The following ANKFY1 variants were observed in gnomAD, a reference collection of about 807,000 sequenced individuals.
The protein encoded by ANKFY1 is ankyrin repeat and FYVE domain containing 1, also known as ankyrin repeat and FYVE domain-containing protein 1.
In ANKFY1, 47 loss-of-function variants were observed where a neutral mutation model predicts 128.3. The ratio of observed to expected loss-of-function variants is 0.37; its 90% CI spans 0.29 to 0.47. ANKFY1 has a LOEUF of 0.47. Among genes scored for constraint, ANKFY1 ranks in the 20% least tolerant of loss-of-function variants. The pLI is 1.00. For missense variants in ANKFY1, 1,222 were observed against 1,510.6 expected, an observed-to-expected ratio of 0.81 and a Z score of 3.17; for synonymous variants, 553 against 601.6, an observed-to-expected ratio of 0.92 and a Z score of 1.18.
At chr17:4,212,739 T>G (rs9911026) in intron 4 of ANKFY1, among the ~76,000 whole-genome samples, 5,775 of 149,770 alleles carry the variant, frequency 0.039, 376 homozygotes, top group African/African-American at 0.13. Flanking sequence ...AGGAAGGTCA[T>G]GAGAAAGACC....
chr17:4,206,491 A>G lies in ANKFY1; in HGVS notation c.733-5T>C, dbSNP rs1400227573. The G allele has an allele frequency of 2.5e-6, 4 of 1,606,506 alleles. No homozygotes were observed. The highest frequency in any genetic ancestry group is 2.6e-6 in the Non-Finnish European group (3 of 1,173,592). On this transcript the variant is annotated splice_polypyrimidine_tract_variant and splice_region_variant and intron_variant, in intron 6 of 24. Transcript: ENST00000341657. ...TTCATTCAGCTTCCCAGGGAGCTAC[A>G]CAAACAAGTTTGTAAATTAGCGCCC... is the stretch of plus-strand genomic sequence containing the variant.
chr17:4,193,338 C>A (rs2059751408), intron 10 of ANKFY1, among the ~76,000 whole-genome samples: 1 of 151,968 alleles, frequency 6.6e-6, no homozygotes, highest in South Asian at 2.1e-4. Flanking sequence ...TCACTGCAGC[C>A]TCCAACTCCT....
intron 3 of ANKFY1, among the ~76,000 whole-genome samples, chr17:4,217,868 C>T (rs2060247247): frequency 1.3e-5 from 2 of 151,902 alleles, no homozygotes; most frequent in Non-Finnish European, 2.9e-5. Context: ...GTATTTTTTG[C>T]AGAGACGGTT....
chr17:4,207,686 TAA>T (rs79910969), intron 6 of ANKFY1, among the ~76,000 whole-genome samples: 1 of 139,890 alleles, frequency 7.1e-6, no homozygotes, highest in Admixed American at 7.2e-5. Flanking sequence ...AAGAAGCGTT[TAA>T]AAAAAAAAAA....
At chr17:4,233,993 T>C (rs2060559548) in intron 3 of ANKFY1, among the ~76,000 whole-genome samples, 1 of 152,234 alleles carries the variant, frequency 6.6e-6, no homozygotes, top group South Asian at 2.1e-4. Context: ...CGTAAAATTA[T>C]AATATTGTAC....
At chr17:4,237,464 A>T (rs924990030) in intron 2 of ANKFY1, among the ~76,000 whole-genome samples, 2 of 152,246 alleles carry the variant, frequency 1.3e-5, no homozygotes, top group Non-Finnish European at 2.9e-5. Flanking sequence ...TTTAATGAAA[A>T]CAAGAAGTTA....
At chr17:4,260,249 TGA>T (rs1968338490) in intron 1 of ANKFY1, among the ~76,000 whole-genome samples, 1 of 152,120 alleles carries the variant, frequency 6.6e-6, no homozygotes, top group Non-Finnish European at 1.5e-5. Context: ...AATTAGGCTG[TGA>T]GAGAGCAAAA....
chr17:4,199,941 AC>A (rs2059897358), intron 7 of ANKFY1, among the ~76,000 whole-genome samples: 1 of 152,250 alleles, frequency 6.6e-6, no homozygotes, highest in Admixed American at 6.5e-5. Context: ...GCATCATAAC[AC>A]ACAGAACAGA....
chr17:4,235,675 T>C, intron 3 of ANKFY1, 97 bp downstream of exon 3: 1 of 843,312 alleles, frequency 1.2e-6, no homozygotes, highest in Non-Finnish European at 1.9e-6. Context: ...TATTTTACTT[T>C]CATTAAATCA....
At chr17:4,220,509 C>A (rs1304077482) in intron 3 of ANKFY1, among the ~76,000 whole-genome samples, 5 of 152,128 alleles carry the variant, frequency 3.3e-5, no homozygotes, top group African/African-American at 7.2e-5. Flanking sequence ...CAAACTTGCC[C>A]GGTTAATCTT....
chr17:4,183,640 A>C, intron 13 of ANKFY1, 89 bp from the exon 14 acceptor site: 1 of 1,543,460 alleles, frequency 6.5e-7, no homozygotes, highest in Non-Finnish European at 8.8e-7. Context: ...TCAGCTTCTC[A>C]AAGCCAGCAG....
chr17:4,222,667 A>G, intron 3 of ANKFY1: 1 of 887,186 alleles, frequency 1.1e-6, no homozygotes, highest in Non-Finnish European at 1.9e-6. Flanking sequence ...GTGCACCAAA[A>G]ATGGCCCTGA....
rs1483042808 is a variant in ANKFY1, at chr17:4,211,470, G to A, written c.459-1523C>T. Among the ~76,000 whole-genome samples the A allele has an allele frequency of 4.0e-5, 6 of 151,718 alleles. 1 individual carries two copies. Reference sequence around the variant, plus strand: ...ACACCAAAAAAATCAGATTTCTACTGTAACAACAAAACCACAGTACACCAA... The same window carrying A: ...ACACCAAAAAAATCAGATTTCTACTATAACAACAAAACCACAGTACACCAA... On this transcript the variant is annotated intron_variant, in intron 4 of 24. Transcript: ENST00000341657.
intron 18 of ANKFY1, 123 bp from the exon 19 acceptor site, chr17:4,177,425 A>C: frequency 1.2e-6 from 1 of 809,112 alleles, no homozygotes. Flanking sequence ...GTCTTAGGAA[A>C]CCCCCTCCCA....
intron 2 of ANKFY1, among the ~76,000 whole-genome samples, chr17:4,237,828 A>T (rs1181617942): frequency 6.6e-6 from 1 of 152,184 alleles, no homozygotes; most frequent in Non-Finnish European, 1.5e-5. Context: ...AAAAAACTTG[A>T]TTCCACTCAA....
chr17:4,217,151 C>G (rs867017499), intron 3 of ANKFY1, 33 bp from the exon 4 acceptor site: 3 of 1,602,522 alleles, frequency 1.9e-6, no homozygotes, highest in East Asian at 4.5e-5. Context: ...ACTGAAAAAG[C>G]ATAGAATGAC....
chr17:4,227,379 A>C (rs2060443139), intron 3 of ANKFY1, among the ~76,000 whole-genome samples: 1 of 152,252 alleles, frequency 6.6e-6, no homozygotes, highest in Non-Finnish European at 1.5e-5. Context: ...ACAGGTTTTT[A>C]CAGCAGGAAT....
chr17:4,173,863 A>T, intron 20 of ANKFY1, 46 bp downstream of exon 20: 1 of 1,587,448 alleles, frequency 6.3e-7, no homozygotes, highest in Non-Finnish European at 8.6e-7. Context: ...CCCCACCCCT[A>T]GAATGGAGGG....
Position 4,169,216 on chromosome 17 carries a change from G to A in ANKFY1, c.3359C>T (p.Thr1120Ile). The A allele has an allele frequency of 6.4e-7, 1 of 1,552,682 alleles. No individual in the cohort carries two copies. The highest frequency in any genetic ancestry group is 8.7e-7 in the Non-Finnish European group (1 of 1,147,582). ...CYECTARFGV[T>I]TRKHHCRHCG... is the part of the protein sequence containing the mutation. Reference sequence around the variant, plus strand: ...GTCTTACCAGTGGTGTTTGCGAGTGGTGACTCCGAACCTGGCAGTGCACTC... The same window carrying A: ...GTCTTACCAGTGGTGTTTGCGAGTGATGACTCCGAACCTGGCAGTGCACTC... Residue 1120 changes from threonine (T) to isoleucine (I), a missense_variant, in exon 24 of 25, where the codon ACC (threonine) becomes ATC (isoleucine). Coordinates refer to ENST00000341657, the MANE Select transcript of ANKFY1 (RefSeq NM_001330063.2). This position sits in a 1 kb window ranked among gnomAD's most constrained non-coding sequence, Gnocchi z 5.0.
Sources: gnomAD v4.1 joint callset for allele counts (sites outside exome capture counted in the v4.1 genomes callset) on GRCh38, gnomAD v4.1.1 for gene constraint, Gnocchi (gnomAD v3.1) non-coding constraint, MANE v1.5 for transcripts, NCBI Gene and HGNC (gene_info 2026-07-23, HGNC 2026-07-21) for gene names.